Variants in ZNF688 observed in about 807,000 individuals in gnomAD.
ZNF688 encodes the protein zinc finger protein 688.
A neutral mutation model predicts 13.2 loss-of-function variants in ZNF688; 10 were observed. The ratio of observed to expected loss-of-function variants is 0.76; its 90% CI spans 0.47 to 1.28. The LOEUF is 1.28. ZNF688 is among the 50% of genes most tolerant of loss of function. ZNF688 has a pLI of 0.00. For missense variants in ZNF688, 381 were observed against 391.4 expected (o/e 0.97, Z 0.22); for synonymous variants, 160 against 159.4 (o/e 1.00, Z -0.03).
At chr16:30,573,822 ATAT>A (rs746628601), upstream of ZNF688, 6 of 247,818 alleles carry the variant, frequency 2.4e-5, no homozygotes, top group Non-Finnish European at 3.5e-5. Flanking sequence ...TAATAATTAA[ATAT>A]TATTAATATG....
chr16:30,571,740 C>T (rs940176292), upstream of ZNF688: 6 of 1,337,130 alleles, frequency 4.5e-6, no homozygotes, highest in Admixed American at 2.4e-4. Context: ...CCAGCCGTGG[C>T]GTCCGAACGC....
Position 30,571,483 on chromosome 16 carries a change from A to T in ZNF688, c.147T>A (p.Ala49=), listed in dbSNP as rs201902169. The T allele has an allele frequency of 2.5e-6, 4 of 1,590,622 alleles. No homozygotes were observed. The East Asian group carries it at 6.9e-5, about 27-fold the overall frequency. The change falls in exon 1 of 3, where the codon GCT becomes GCA. Residue 49 remains alanine, a synonymous_variant. Coordinates refer to ENST00000223459, the MANE Select transcript of ZNF688 (RefSeq NM_145271.4). ...TCTCCTGCATCACGTCCCGGTACAG[A>T]GCCCTCTGCGCGGGCCGCAGACAGC... ...EWGCLRPAQR[A]LYRDVMQETY... is the part of the protein sequence containing the mutation.
Position 30,570,318 on chromosome 16 carries a change from A to C in ZNF688, c.429T>G (p.Ala143=). 1.2e-6 allele frequency: 2 copies of C among 1,614,120 alleles called. No homozygotes were observed. The highest frequency in any genetic ancestry group is 1.1e-5 in the South Asian group (1 of 91,088). ...EVLVERNPDP[A]ISVAPARAQP... is the part of the protein sequence containing the mutation. ...GTGCCCGTGCCGGGGCCACGCTAAT[A>C]GCTGGGTCAGGGTTGCGTTCCACCA... The change falls in exon 3 of 3, where the codon GCT becomes GCG. Residue 143 remains alanine, a synonymous_variant. Transcript: ENST00000223459.
rs1268694934 is a variant in ZNF688 at position 30,571,505 on chromosome 16, C to T, written c.125G>A (p.Cys42Tyr). Residue 42 changes from cysteine to tyrosine, a missense_variant, in exon 1 of 3, where the codon TGT (cysteine) becomes TAT (tyrosine). Transcript: ENST00000223459. Reference sequence around the variant, plus strand: ...CAGAGCCCTCTGCGCGGGCCGCAGACAGCCCCACTCCTCCGGGGAGAAGTA... The same window carrying T: ...CAGAGCCCTCTGCGCGGGCCGCAGATAGCCCCACTCCTCCGGGGAGAAGTA... ...AVYFSPEEWG[C>Y]LRPAQRALYR... 3 of 1,590,178 alleles carry T rather than the reference C, an allele frequency of 1.9e-6. No homozygotes were observed. The highest frequency in any genetic ancestry group is 1.1e-5 in the South Asian group (1 of 87,378).
the ZNF688 span, chr16:30,579,838 G>A: frequency 8.8e-6 from 4 of 455,846 alleles, no homozygotes; most frequent in African/African-American, 4.0e-5. Flanking sequence ...CAAAAGTAGG[G>A]CTAGCAGATC....
Position 30,569,743 on chromosome 16 carries a change from C to A in ZNF688, c.*173G>T. On this transcript the variant is annotated 3_prime_UTR_variant, in exon 3 of 3. Transcript: ENST00000223459. ...TGGGGAGATGGGTGGCAAGTCTAAT[C>A]TATTCGAATCTTTACAGGCACTTTT... 1 of 220,184 alleles carries A rather than the reference C, an allele frequency of 4.5e-6. No individual in the cohort carries two copies. 13.6% of individuals were successfully genotyped at this position (220,184 alleles called of 1,614,324 possible). A position where few individuals can be genotyped will look rare whatever the true frequency, so the allele number is the denominator to read the frequency against.
At chr16:30,579,697 T>C in the ZNF688 span, 1 of 435,272 alleles carries the variant, frequency 2.3e-6, no homozygotes, top group African/African-American at 2.0e-5. Flanking sequence ...CCATTAATTA[T>C]CTTGGAACCC....
chr16:30,572,253 G>C (rs1447698861), upstream of ZNF688: 2 of 1,560,888 alleles, frequency 1.3e-6, no homozygotes, highest in Non-Finnish European at 1.7e-6. Context: ...TGACAGACTG[G>C]AGCGCAGCGG....
At chr16:30,571,771 C>A (rs2051690807), upstream of ZNF688, 3 of 1,330,882 alleles carry the variant, frequency 2.3e-6, no homozygotes, top group Non-Finnish European at 2.9e-6. Context: ...ACCGAAGTAG[C>A]AGGGACTGGC....
At chr16:30,571,304 G>A (rs1432522225) in intron 1 of ZNF688, 130 bp downstream of exon 1, 18 of 1,537,572 alleles carry the variant, frequency 1.2e-5, no homozygotes, top group African/African-American at 8.2e-5. Flanking sequence ...TGAAGCCCTG[G>A]GAACGGGAGG....
upstream of ZNF688, among the ~76,000 whole-genome samples, chr16:30,577,589 T>C (rs770640537): frequency 6.6e-6 from 1 of 151,908 alleles, no homozygotes; most frequent in Non-Finnish European, 1.5e-5. Flanking sequence ...TTGGCCAGGA[T>C]GCTCTTGATC....
rs996511105 is a variant in ZNF688 at position 30,569,794 on chromosome 16, G to A, written c.*122C>T. 1 of 1,252,022 alleles carries A rather than the reference G, an allele frequency of 8.0e-7. No homozygotes were observed. Among genetic ancestry groups the A allele is most frequent in the Non-Finnish European group, 1.1e-6 (1 of 950,964 alleles). The allele number at this position is 1,252,022 out of a possible 1,614,324, so 77.6% of individuals were successfully genotyped here. ...CTTTTTACAAGTTGGAAACTTGAGG[G>A]ATCCTTGAGGAAAGCCCAGGGCATG... On this transcript the variant is annotated 3_prime_UTR_variant, in exon 3 of 3. Transcript: ENST00000223459.
In ZNF688 at chr16:30,571,678, C is replaced by T. The variant is rs1470387776; in HGVS notation, c.-49G>A. On this transcript the variant is annotated 5_prime_UTR_variant, in exon 1 of 3. Transcript: ENST00000223459. Reference sequence around the variant, plus strand: ...GGCCGCCAGGTCCCTGGAGCCGCCGCCTCCCCGCTCCCGGCCTCAGCTGTC... The same window carrying T: ...GGCCGCCAGGTCCCTGGAGCCGCCGTCTCCCCGCTCCCGGCCTCAGCTGTC... 212 of 1,360,514 alleles carry T rather than the reference C, an allele frequency of 1.6e-4. No homozygotes were observed. The highest frequency in any genetic ancestry group is 1.1e-3 in the East Asian group (36 of 32,924). The allele number at this position is 1,360,514 out of a possible 1,614,324, so 84.3% of individuals were successfully genotyped here. A position where few individuals can be genotyped will look rare whatever the true frequency, so the allele number is the denominator to read the frequency against.
upstream of ZNF688, chr16:30,572,131 C>G: frequency 1.3e-6 from 2 of 1,599,214 alleles, no homozygotes; most frequent in Non-Finnish European, 1.7e-6. Flanking sequence ...CCCCTCTGTA[C>G]CCGCAATACG....
upstream of ZNF688, chr16:30,573,692 G>T (rs2051719237): frequency 1.2e-5 from 2 of 163,924 alleles, no homozygotes; most frequent in African/African-American, 4.8e-5. Context: ...TTTCAGTCAA[G>T]ATTTCTTTGT....
At chr16:30,572,207 G>T, upstream of ZNF688, 1 of 1,605,722 alleles carries the variant, frequency 6.2e-7, no homozygotes, top group Non-Finnish European at 8.5e-7. Flanking sequence ...GACTGGCGGG[G>T]CATTTGAAGG....
chr16:30,572,524 G>A (rs946818734), upstream of ZNF688: 1 of 402,268 alleles, frequency 2.5e-6, no homozygotes, highest in Non-Finnish European at 4.4e-6. Flanking sequence ...GCTTGGTGAG[G>A]ATGGAATCGG....
chr16:30,572,318 C>G, upstream of ZNF688: 2 of 1,401,668 alleles, frequency 1.4e-6, no homozygotes, highest in Non-Finnish European at 1.9e-6. Context: ...TCTTACCGTG[C>G]CTCCCGATGG....
intron 2 of ZNF688, 94 bp downstream of exon 2, chr16:30,570,916 C>G: frequency 7.5e-7 from 1 of 1,327,728 alleles, no homozygotes; most frequent in Non-Finnish European, 1.1e-6. Context: ...AGTTGAATTT[C>G]TTTAGGGATG....
Sources: allele counts gnomAD v4.1 joint callset (sites outside exome capture counted in the v4.1 genomes callset), GRCh38; gene constraint gnomAD v4.1.1; transcripts MANE v1.5; gene names NCBI Gene and HGNC (gene_info 2026-07-23, HGNC 2026-07-21).